Variants in LRRIQ3 observed in about 807,000 individuals in gnomAD.
LRRIQ3 encodes the protein leucine rich repeats and IQ motif containing 3.
LRRIQ3 carries 75 observed loss-of-function variants against 59.3 expected under a neutral mutation model. The ratio of observed to expected loss-of-function variants is 1.26; its 90% CI spans 1.05 to 1.53. The LOEUF (loss-of-function observed/expected upper bound fraction) is 1.53. Ranked by LOEUF, LRRIQ3 falls within the 40% of genes most tolerant of loss-of-function variation. The probability of loss-of-function intolerance (pLI) is 0.00; values close to 1 mark genes in which losing one functional copy is unlikely to be tolerated. For synonymous variants in LRRIQ3, 250 were observed against 231.3 expected (o/e 1.08, Z -0.73); for missense variants, 831 against 710.0 (o/e 1.17, Z -1.94).
chr1:74,076,755 T>C (rs1204719019), intron 5 of LRRIQ3, among the ~76,000 whole-genome samples: 1 of 152,184 alleles, frequency 6.6e-6, no homozygotes, highest in African/African-American at 2.4e-5. Context: ...CAGTGACTCA[T>C]AGGGTAAGGG....
chr1:74,071,119 T>C (rs7535276), intron 6 of LRRIQ3, among the ~76,000 whole-genome samples: 128,106 of 150,880 alleles, frequency 0.85, 55,275 homozygotes, highest in East Asian at 0.97. Flanking sequence ...AGGTAAATTG[T>C]TTGTATGTAT....
rs146424392 is a variant in LRRIQ3, at chr1:74,050,314, C to T, written c.998-8381G>A. Among the ~76,000 whole-genome samples, 36 of 152,206 alleles carry T rather than the reference C, an allele frequency of 2.4e-4. No homozygotes were observed. The East Asian group carries it at 6.0e-3, about 25-fold the overall frequency. ...CTTCCACAAACTGAATTTTTTGACACAAAGGCAACAAAATGGCTTGTTTTA... is the reference window on the plus strand; with the variant it reads ...CTTCCACAAACTGAATTTTTTGACATAAAGGCAACAAAATGGCTTGTTTTA... On this transcript the variant is annotated intron_variant, in intron 6 of 7. Coordinates refer to ENST00000354431, the MANE Select transcript of LRRIQ3 (RefSeq NM_001105659.2).
At chr1:74,153,870 G>A (rs1032551541) in intron 4 of LRRIQ3, among the ~76,000 whole-genome samples, 1 of 152,086 alleles carries the variant, frequency 6.6e-6, no homozygotes, top group Non-Finnish European at 1.5e-5. Context: ...ATGCTGGAAG[G>A]GAGCAAGAAA....
rs1646182755 is a variant in LRRIQ3 at position 74,074,698 on chromosome 1, G to A, written c.960C>T (p.Gly320=). Reference sequence around the variant, plus strand: ...GATGTCTTGATGTTTTTGATTTCATGCCTAGATCTTTTGGTTTTAATTCAC... The same window carrying A: ...GATGTCTTGATGTTTTTGATTTCATACCTAGATCTTTTGGTTTTAATTCAC... ...ILCELKPKDL[G]MKSKTSRHLI... is the part of the protein sequence containing the mutation. Residue 320 remains glycine (G), a synonymous_variant, in exon 6 of 8, where the codon GGC becomes GGT. Transcript: ENST00000354431. 1.4e-6 allele frequency: 2 copies of A among 1,439,852 alleles called. No homozygotes were observed. Among genetic ancestry groups the A allele is most frequent in the South Asian group, 1.5e-5 (1 of 66,536 alleles). 89.2% of individuals were successfully genotyped at this position (1,439,852 alleles called of 1,614,324 possible).
At position 74,182,780 on chromosome 1, in the gene LRRIQ3, T is replaced by C. The variant is rs1206546047; in HGVS notation, c.331A>G (p.Lys111Glu). 6.2e-7 allele frequency: 1 copy of C among 1,610,662 alleles called. No homozygotes were observed. The highest frequency in any genetic ancestry group is 2.2e-5 in the East Asian group (1 of 44,730). ...GATAATACACATATATTCTTTAACT[T>C]TGCAAACCCATTGTCATGAAGATAG... is the stretch of plus-strand genomic sequence containing the variant. ...LLYLHDNGFA[K>E]LKNICVLSAC... is the part of the protein sequence containing the mutation. The change falls in exon 3 of 8, where the codon AAG becomes GAG. Residue 111 changes from lysine to glutamate, a missense_variant. Coordinates refer to ENST00000354431, the MANE Select transcript of LRRIQ3 (RefSeq NM_001105659.2).
At chr1:74,138,692 GTTATAC>G (rs1298713095) in intron 4 of LRRIQ3, among the ~76,000 whole-genome samples, 2 of 151,940 alleles carry the variant, frequency 1.3e-5, no homozygotes, top group Admixed American at 1.3e-4. Flanking sequence ...CATGTTGCAA[GTTATAC>G]TTGTAATGGG....
At chr1:74,183,789 T>A in intron 1 of LRRIQ3, 105 bp from the exon 2 acceptor site, 2 of 968,472 alleles carry the variant, frequency 2.1e-6, no homozygotes, top group Non-Finnish European at 2.9e-6. Context: ...AAAGTGTTAT[T>A]AAAGTTAAAA....
At chr1:74,178,755 G>A (rs1649795558) in intron 3 of LRRIQ3, among the ~76,000 whole-genome samples, 1 of 152,144 alleles carries the variant, frequency 6.6e-6, no homozygotes. Context: ...GTAGTCATGT[G>A]AGGCAGTTCC....
chr1:74,180,486 G>A (rs1649910747), intron 3 of LRRIQ3: 1 of 432,404 alleles, frequency 2.3e-6, no homozygotes, highest in East Asian at 3.7e-5. Flanking sequence ...CTGCCTCAAA[G>A]AAGTATGACC....
chr1:74,118,606 A>C (rs1270078451), intron 4 of LRRIQ3, among the ~76,000 whole-genome samples: 1 of 152,012 alleles, frequency 6.6e-6, no homozygotes, highest in East Asian at 1.9e-4. Flanking sequence ...TTGTAGTATA[A>C]GTTTCAAGAA....
intron 5 of LRRIQ3, among the ~76,000 whole-genome samples, chr1:74,078,954 T>A (rs879208989): frequency 3.9e-5 from 6 of 151,966 alleles, no homozygotes; most frequent in Admixed American, 3.9e-4. Flanking sequence ...ACCTTATGCC[T>A]AAGCTATCAG....
intron 6 of LRRIQ3, among the ~76,000 whole-genome samples, chr1:74,054,239 T>C (rs1450291436): frequency 1.3e-5 from 2 of 150,278 alleles, no homozygotes; most frequent in Admixed American, 6.6e-5. Context: ...CCACGAAAAA[T>C]AAATGCATAT....
chr1:74,097,151 TA>T (rs1646460673), intron 5 of LRRIQ3, among the ~76,000 whole-genome samples: 1 of 152,146 alleles, frequency 6.6e-6, no homozygotes, highest in Non-Finnish European at 1.5e-5. Context: ...ACAAAGAAGC[TA>T]AAATCCTTGA....
intron 4 of LRRIQ3, among the ~76,000 whole-genome samples, chr1:74,119,724 C>A (rs997221176): frequency 2.0e-5 from 3 of 152,108 alleles, no homozygotes; most frequent in Non-Finnish European, 4.4e-5. Context: ...TCCTATCCTA[C>A]TTTGAGATTC....
At chr1:74,082,251 T>C (rs1426281330) in intron 5 of LRRIQ3, 1 of 151,586 alleles carries the variant, frequency 6.6e-6, no homozygotes, top group Non-Finnish European at 1.5e-5. Context: ...GTAGAAAGCA[T>C]AGGCTAAATT....
chr1:74,086,982 A>C lies in LRRIQ3; in HGVS notation c.868-12192T>G, dbSNP rs72687679. Reference sequence around the variant, plus strand: ...TGACAGGTGTAAGAACTTACTCTTTACTCTTTCCTTCATATCTTAATTACA... The same window carrying C: ...TGACAGGTGTAAGAACTTACTCTTTCCTCTTTCCTTCATATCTTAATTACA... On this transcript the variant is annotated intron_variant, in intron 5 of 7. Coordinates refer to ENST00000354431, the MANE Select transcript of LRRIQ3 (RefSeq NM_001105659.2). Among the ~76,000 whole-genome samples, 687 of 152,122 alleles carry C rather than the reference A, an allele frequency of 4.5e-3. 3 individuals are homozygous for C. The highest frequency in any genetic ancestry group is 6.9e-3 in the Non-Finnish European group (469 of 67,984).
At chr1:74,130,176 G>A (rs1213385584) in intron 4 of LRRIQ3, among the ~76,000 whole-genome samples, 1 of 152,042 alleles carries the variant, frequency 6.6e-6, no homozygotes, top group Admixed American at 6.6e-5. Context: ...CTTGCCCACA[G>A]ATTGCAGACT....
At chr1:74,139,882 T>C (rs1479559169) in intron 4 of LRRIQ3, among the ~76,000 whole-genome samples, 1 of 151,838 alleles carries the variant, frequency 6.6e-6, no homozygotes, top group Non-Finnish European at 1.5e-5. Flanking sequence ...TTAAAGTAAA[T>C]AAGCATATTT....
At chr1:74,042,891 G>T (rs566431917) in intron 6 of LRRIQ3, among the ~76,000 whole-genome samples, 1 of 151,940 alleles carries the variant, frequency 6.6e-6, no homozygotes, top group Non-Finnish European at 1.5e-5. Flanking sequence ...TTTCCACTAC[G>T]TAGAGATGAG....
Sources: gnomAD v4.1 joint callset for allele counts (sites outside exome capture counted in the v4.1 genomes callset) on GRCh38, gnomAD v4.1.1 for gene constraint, MANE v1.5 for transcripts, NCBI Gene and HGNC (gene_info 2026-07-23, HGNC 2026-07-21) for gene names.